The following ADCY5 variants were observed in gnomAD, a reference collection of about 807,000 sequenced individuals.
ADCY5 encodes the protein adenylate cyclase 5, also known as adenylate cyclase type 5.
Under a neutral mutation model 119.7 loss-of-function variants are expected in ADCY5, and 30 were observed. The observed-to-expected ratio is 0.25, with a 90% CI of 0.19 to 0.34. The LOEUF is 0.34. ADCY5 is among the 10% of genes least tolerant of loss of function. ADCY5 has a pLI of 1.00. For synonymous variants in ADCY5, 753 were observed against 762.2 expected, an observed-to-expected ratio of 0.99 and a Z score of 0.20; for missense variants, 1,324 against 1,775.2, an observed-to-expected ratio of 0.75 and a Z score of 4.57.
chr3:123,405,279 G>A (rs927265220), intron 1 of ADCY5, among the ~76,000 whole-genome samples: 2 of 152,216 alleles, frequency 1.3e-5, no homozygotes, highest in African/African-American at 2.4e-5. Flanking sequence ...GCCTTGCCCC[G>A]CGGACTCCCT....
intron 8 of ADCY5, among the ~76,000 whole-genome samples, chr3:123,323,296 C>T (rs1941314305): frequency 6.6e-6 from 1 of 152,214 alleles, no homozygotes; most frequent in Admixed American, 6.5e-5. Context: ...GTCCTGACTG[C>T]AAATTCTTCC....
At chr3:123,296,048 G>A (rs780951116) in intron 17 of ADCY5, 36 bp downstream of exon 17, 1 of 1,608,910 alleles carries the variant, frequency 6.2e-7, no homozygotes, top group South Asian at 1.1e-5. Context: ...GCTCCCAAAT[G>A]CCTCCCTCCC....
intron 17 of ADCY5, among the ~76,000 whole-genome samples, chr3:123,293,547 ACACT>A (rs1421052094): frequency 6.7e-6 from 1 of 150,120 alleles, no homozygotes; most frequent in African/African-American, 2.5e-5. Context: ...ATGCACACAC[ACACT>A]CTTGTGCATG....
intron 1 of ADCY5, among the ~76,000 whole-genome samples, chr3:123,396,033 AGAGGGAGGGAGGGAGAGAGG>A (rs1944542991): frequency 1.1e-5 from 1 of 93,778 alleles, no homozygotes; most frequent in Non-Finnish European, 2.1e-5. Context: ...AGGGAGGGAG[AGAGGGAGGGAGGGAGAGAGG>A]GAGGGAGGGT....
At chr3:123,432,742 G>C (rs542445013) in intron 1 of ADCY5, among the ~76,000 whole-genome samples, 14 of 152,210 alleles carry the variant, frequency 9.2e-5, no homozygotes. Context: ...GCCCAGGCTG[G>C]TCTCTAACTC....
intron 1 of ADCY5, among the ~76,000 whole-genome samples, chr3:123,423,953 C>G (rs114914502): frequency 0.011 from 1,708 of 152,320 alleles, 15 homozygotes; most frequent in Non-Finnish European, 0.018. Context: ...AGGCCTTGGG[C>G]AGCCTATGGC....
chr3:123,415,691 C>T (rs373224507), intron 1 of ADCY5, among the ~76,000 whole-genome samples: 6 of 152,256 alleles, frequency 3.9e-5, no homozygotes, highest in Admixed American at 1.3e-4. Context: ...TAATCTGGTG[C>T]GCCTTCTTAC....
chr3:123,322,150 C>G (rs114836772), intron 8 of ADCY5, among the ~76,000 whole-genome samples: 4,864 of 152,264 alleles, frequency 0.032, 239 homozygotes, highest in African/African-American at 0.11. Flanking sequence ...ACAGGCGTGG[C>G]GGGCAGCAGA....
intron 1 of ADCY5, among the ~76,000 whole-genome samples, chr3:123,424,577 C>T (rs983967058): frequency 6.6e-6 from 1 of 152,172 alleles, no homozygotes; most frequent in Non-Finnish European, 1.5e-5. Flanking sequence ...ACAAGCACAG[C>T]GAGGCCTTGG....
At position 123,447,631 on chromosome 3, in the gene ADCY5, G is replaced by A. The variant is rs753653705; in HGVS notation, c.915C>T (p.Leu305=). The A allele has an allele frequency of 9.9e-6, 16 of 1,608,522 alleles. No homozygotes were observed. The highest frequency in any genetic ancestry group is 2.7e-5 in the African/African-American group (2 of 74,896). ...CCTGGACGGCCAGCACCACGGCGAT[G>A]AGCGCATAGCAGGCCAGGCCCATGT... The part of the protein sequence containing the change: ...QDHMGLACYA[L]IAVVLAVQVV... The change falls in exon 1 of 21, where the codon CTC becomes CTT. Residue 305 remains leucine, a synonymous_variant. Transcript: ENST00000462833.
chr3:123,300,527 C>T (rs553909307), intron 14 of ADCY5, among the ~76,000 whole-genome samples: 96 of 152,342 alleles, frequency 6.3e-4, no homozygotes, highest in African/African-American at 2.3e-3. Context: ...CACGTTACAG[C>T]TGCGCTGCAG....
At chr3:123,335,518 G>C (rs1941977772) in intron 3 of ADCY5, among the ~76,000 whole-genome samples, 1 of 152,190 alleles carries the variant, frequency 6.6e-6, no homozygotes, top group South Asian at 2.1e-4. Flanking sequence ...CCACACTTTA[G>C]GAGTTGAACC....
At chr3:123,385,256 C>T (rs1329764311) in intron 1 of ADCY5, among the ~76,000 whole-genome samples, 1 of 151,440 alleles carries the variant, frequency 6.6e-6, no homozygotes, top group Non-Finnish European at 1.5e-5. Context: ...GGTACACATC[C>T]TTCTAGGGGC....
intron 15 of ADCY5, among the ~76,000 whole-genome samples, chr3:123,298,658 C>T (rs1939658457): frequency 6.6e-6 from 1 of 152,142 alleles, no homozygotes; most frequent in South Asian, 2.1e-4. Flanking sequence ...TGAGAGTTTT[C>T]TATTTATCCA....
chr3:123,389,106 T>A lies in ADCY5; in HGVS notation c.1135-36525A>T, dbSNP rs538405308. ...GAATGCCTTGGGCAGGAGAAGGAACTGGGCTGCTCTGAGAAGCCAGGAGGT... is the reference window on the plus strand; with the variant it reads ...GAATGCCTTGGGCAGGAGAAGGAACAGGGCTGCTCTGAGAAGCCAGGAGGT... On this transcript the variant is annotated intron_variant, in intron 1 of 20. Transcript: ENST00000462833. 1.1e-4 allele frequency among the ~76,000 whole-genome samples: 16 copies of A among 152,172 alleles called. No homozygotes were observed. The South Asian group carries it at 3.1e-3, about 30-fold the overall frequency.
intron 3 of ADCY5, among the ~76,000 whole-genome samples, chr3:123,333,111 T>C (rs1941845622): frequency 6.6e-6 from 1 of 152,118 alleles, no homozygotes; most frequent in African/African-American, 2.4e-5. Context: ...CTTTGAAAGA[T>C]AATGAGGTCA....
intron 6 of ADCY5, among the ~76,000 whole-genome samples, chr3:123,328,182 T>C (rs1479014929): frequency 6.6e-6 from 1 of 152,192 alleles, no homozygotes; most frequent in East Asian, 1.9e-4. Context: ...CATCGGCTCT[T>C]CTCCCATTCC....
chr3:123,421,677 C>T (rs1945306134), intron 1 of ADCY5, among the ~76,000 whole-genome samples: 1 of 152,164 alleles, frequency 6.6e-6, no homozygotes, highest in African/African-American at 2.4e-5. Flanking sequence ...CATGGGGGCA[C>T]AGGACAGATG....
chr3:123,448,492 C>T lies in ADCY5; in HGVS notation c.54G>A (p.Ala18=). The change falls in exon 1 of 21, where the codon GCG becomes GCA. Residue 18 remains alanine, a synonymous_variant. Coordinates refer to ENST00000462833, the MANE Select transcript of ADCY5 (RefSeq NM_183357.3). ...SPPGYAAQKT[A]APAPRGGPEH... ...CGGGGCCTCCCCGGGGCGCCGGCGCCGCAGTCTTCTGCGCCGCGTAGCCCG... is the reference window on the plus strand; with the variant it reads ...CGGGGCCTCCCCGGGGCGCCGGCGCTGCAGTCTTCTGCGCCGCGTAGCCCG... 7.9e-7 allele frequency: 1 copy of T among 1,269,124 alleles called. No homozygotes were observed. Among genetic ancestry groups the T allele is most frequent in the East Asian group, 3.1e-5 (1 of 31,814 alleles). 78.6% of individuals were successfully genotyped at this position (1,269,124 alleles called of 1,614,324 possible). A position where few individuals can be genotyped will look rare whatever the true frequency, so the allele number is the denominator to read the frequency against.
Sources: allele counts gnomAD v4.1 joint callset (sites outside exome capture counted in the v4.1 genomes callset), GRCh38; gene constraint gnomAD v4.1.1; transcripts MANE v1.5; gene names NCBI Gene and HGNC (gene_info 2026-07-23, HGNC 2026-07-21).